PI4KA: variants seen among roughly 807,000 people sequenced by gnomAD.
The protein encoded by PI4KA is PI4-kinase alpha.
PI4KA carries 122 observed loss-of-function variants against 271.4 expected under a neutral mutation model. The ratio of observed to expected loss-of-function variants is 0.45; its 90% CI spans 0.39 to 0.52. The LOEUF (loss-of-function observed/expected upper bound fraction) is 0.52, where lower values mean the gene tolerates loss of function less well. Among genes scored for constraint, PI4KA ranks in the 20% least tolerant of loss-of-function variants. The probability of loss-of-function intolerance (pLI) is 0.00; values close to 1 mark genes in which losing one functional copy is unlikely to be tolerated. For synonymous variants in PI4KA, 1,041 were observed against 1,078.8 expected, an observed-to-expected ratio of 0.96 and a Z score of 0.69; for missense variants, 1,969 against 2,769.1, an observed-to-expected ratio of 0.71 and a Z score of 6.48.
In PI4KA at chr22:20,804,970, T is replaced by C. The variant is rs532595088; in HGVS notation, c.1360+4A>G. 1.9e-6 allele frequency: 3 copies of C among 1,608,924 alleles called. No individual in the cohort carries two copies. The African/African-American group carries it at 4.0e-5, about 21-fold the overall frequency. On this transcript the variant is annotated splice_donor_region_variant and intron_variant, in intron 11 of 54. Coordinates refer to ENST00000255882, the MANE Select transcript of PI4KA (RefSeq NM_058004.4). The stretch of plus-strand genomic sequence containing the variant: ...CACATGAGAGGCAAGGCAGTCTGTC[T>C]CACCCTGCTCGTCCTTCACAGCCCA...
At chr22:20,753,201 T>G (rs377474497) in intron 23 of PI4KA, 21 bp from the exon 24 acceptor site, 1 of 1,604,868 alleles carries the variant, frequency 6.2e-7, no homozygotes, top group East Asian at 2.2e-5. Context: ...AAGGTTTCCA[T>G]GGATAAGGTG....
chr22:20,730,821 T>C (rs1029515267), intron 36 of PI4KA, among the ~76,000 whole-genome samples: 8 of 151,600 alleles, frequency 5.3e-5, no homozygotes, highest in Admixed American at 2.6e-4. Context: ...CCACCTGCCT[T>C]GGCCTCCCAA....
chr22:20,718,776 G>A lies in PI4KA; in HGVS notation c.5163C>T (p.Gly1721=). Residue 1721 remains glycine, a synonymous_variant, in exon 44 of 55, where the codon GGC becomes GGT. Coordinates refer to ENST00000255882, the MANE Select transcript of PI4KA (RefSeq NM_058004.4). Reference sequence around the variant, plus strand: ...AGTCCTTCGCTGGGCCGGACAAGGAGCCTGTGATCTCCTCTACCAACTGAT... The same window carrying A: ...AGTCCTTCGCTGGGCCGGACAAGGAACCTGTGATCTCCTCTACCAACTGAT... ...LLDQLVEEIT[G]SLSGPAKDFY... The A allele has an allele frequency of 6.2e-7, 1 of 1,613,984 alleles. No homozygotes were observed. The highest frequency in any genetic ancestry group is 8.5e-7 in the Non-Finnish European group (1 of 1,179,888).
chr22:20,754,312 C>A (rs536458774), intron 23 of PI4KA, among the ~76,000 whole-genome samples: 37 of 151,792 alleles, frequency 2.4e-4, no homozygotes, highest in African/African-American at 8.5e-4. Flanking sequence ...TGGTCTTGAA[C>A]TCCTGGGTCA....
chr22:20,820,644 C>A lies in PI4KA; in HGVS notation c.457-33G>T, dbSNP rs537129974. Reference sequence around the variant, plus strand: ...AGTCAAGGAAACAAGAAAAAAAAAACATAAACAAAATTAGGTAAATATCAC... The same window carrying A: ...AGTCAAGGAAACAAGAAAAAAAAAAAATAAACAAAATTAGGTAAATATCAC... On this transcript the variant is annotated intron_variant, in intron 4 of 54. Transcript: ENST00000255882. 5.0e-6 allele frequency: 7 copies of A among 1,404,958 alleles called. No homozygotes were observed. In the African/African-American group the frequency reaches 1.0e-4, roughly 21 times the overall value. 87.0% of individuals were successfully genotyped at this position (1,404,958 alleles called of 1,614,324 possible). A position where few individuals can be genotyped will look rare whatever the true frequency, so the allele number is the denominator to read the frequency against.
intron 2 of PI4KA, among the ~76,000 whole-genome samples, chr22:20,835,709 G>T (rs370975539): frequency 8.5e-4 from 129 of 152,066 alleles, no homozygotes; most frequent in African/African-American, 2.8e-3. Flanking sequence ...TCCAGCCTGC[G>T]CAAGAGAGTG....
intron 52 of PI4KA, 23 bp from the exon 53 acceptor site, chr22:20,710,020 G>A (rs751250095): frequency 8.5e-5 from 128 of 1,501,866 alleles, no homozygotes; most frequent in Admixed American, 1.3e-4. Context: ...AGGAGGGAGC[G>A]GTGGGCTGAG....
At chr22:20,833,894 G>A (rs1020016603) in intron 3 of PI4KA, among the ~76,000 whole-genome samples, 4 of 151,724 alleles carry the variant, frequency 2.6e-5, no homozygotes, top group South Asian at 2.1e-4. Context: ...TCCTGACCTC[G>A]TGATACACCC....
At chr22:20,769,538 A>T (rs563548592) in intron 19 of PI4KA, among the ~76,000 whole-genome samples, 2 of 151,994 alleles carry the variant, frequency 1.3e-5, no homozygotes, top group African/African-American at 2.4e-5. Context: ...GCGTGGTGGC[A>T]CACACCTGTA....
At chr22:20,837,824 G>A (rs1258827808) in intron 2 of PI4KA, among the ~76,000 whole-genome samples, 2 of 152,066 alleles carry the variant, frequency 1.3e-5, no homozygotes, top group East Asian at 3.9e-4. Flanking sequence ...AAGGTACACT[G>A]AGGCCAGGCA....
Position 20,853,919 on chromosome 22 carries a change from A to T in PI4KA, c.156+4651T>A, listed in dbSNP as rs981633485. Among the ~76,000 whole-genome samples the T allele has an allele frequency of 2.1e-5, 3 of 142,040 alleles. No homozygotes were observed. The East Asian group carries it at 6.0e-4, about 29-fold the overall frequency. 93.2% of individuals were successfully genotyped at this position (142,040 alleles called of 152,430 possible). On this transcript the variant is annotated intron_variant, in intron 1 of 54. Transcript: ENST00000255882. ...GTGAGACCCCCATCTCTAATTAAAT[A>T]AAAAAAAAAAAGTAGATGGGATTTA...
rs138304649 is a variant in PI4KA, at chr22:20,796,272, C to T, written c.2151G>A (p.Ala717=). 29 of 1,614,016 alleles carry T rather than the reference C, an allele frequency of 1.8e-5. No individual in the cohort carries two copies. Among genetic ancestry groups the T allele is most frequent in the East Asian group, 1.8e-4 (8 of 44,864 alleles). The change falls in exon 18 of 55, where the codon GCG becomes GCA. Residue 717 remains alanine (A), a synonymous_variant. Transcript: ENST00000255882. ...CCAGGTGCTCGTCTTGGATGTTGGC[C>T]GCGATGTTGGCCAGGGCATTAATCA... is the stretch of plus-strand genomic sequence containing the variant. ...LAVINALANI[A]ANIQDEHLVD...
chr22:20,728,968 T>TC (rs1236846042), intron 39 of PI4KA, among the ~76,000 whole-genome samples: 1 of 151,698 alleles, frequency 6.6e-6, no homozygotes, highest in African/African-American at 2.4e-5. Flanking sequence ...ACCCAAACCC[T>TC]CCCCAAGGCG....
intron 1 of PI4KA, among the ~76,000 whole-genome samples, chr22:20,856,116 C>T (rs985814226): frequency 6.6e-6 from 1 of 152,110 alleles, no homozygotes; most frequent in Non-Finnish European, 1.5e-5. Context: ...ACCCCGTCTC[C>T]ACTAAATACT....
In PI4KA at chr22:20,818,479, C is replaced by T. The variant is rs775262932; in HGVS notation, c.856+4G>A. 18 of 1,579,068 alleles carry T rather than the reference C, an allele frequency of 1.1e-5. No homozygotes were observed. Among genetic ancestry groups the T allele is most frequent in the Non-Finnish European group, 1.5e-5 (18 of 1,165,056 alleles). ...AAAATATTCTTCGGAAAGGTGAAGC[C>T]CACCTTCAAAGTAGTGAAAGGCAGA... is the stretch of plus-strand genomic sequence containing the variant. On this transcript the variant is annotated splice_donor_region_variant and intron_variant, in intron 7 of 54. Transcript: ENST00000255882.
intron 9 of PI4KA, among the ~76,000 whole-genome samples, chr22:20,810,472 G>A (rs1309924983): frequency 6.6e-6 from 1 of 151,016 alleles, no homozygotes; most frequent in African/African-American, 2.4e-5. Flanking sequence ...TTGCGCCACT[G>A]CACTCCAGCC....
At chr22:20,834,683 T>C (rs750642991) in intron 2 of PI4KA, 28 bp from the exon 3 acceptor site, 9 of 1,408,770 alleles carry the variant, frequency 6.4e-6, no homozygotes, top group Middle Eastern at 3.6e-4. Flanking sequence ...GAATAATAAA[T>C]TAGATTTAAT....
intron 18 of PI4KA, among the ~76,000 whole-genome samples, chr22:20,795,438 T>G (rs1005783859): frequency 1.3e-5 from 2 of 152,092 alleles, no homozygotes; most frequent in African/African-American, 4.8e-5. Flanking sequence ...AAAACAAAAC[T>G]TGAGTCAAAA....
chr22:20,761,731 T>C (rs946600016), intron 22 of PI4KA, among the ~76,000 whole-genome samples: 2 of 151,826 alleles, frequency 1.3e-5, no homozygotes, highest in Non-Finnish European at 2.9e-5. Context: ...TGACACATCA[T>C]GCAGCCACCA....
Sources: gnomAD v4.1 joint callset for allele counts (sites outside exome capture counted in the v4.1 genomes callset) on GRCh38, gnomAD v4.1.1 for gene constraint, MANE v1.5 for transcripts, NCBI Gene and HGNC (gene_info 2026-07-23, HGNC 2026-07-21) for gene names.